Variants in PLBD1 observed in about 807,000 individuals in gnomAD.
PLBD1 encodes lysosomal leucine aminopeptidase.
PLBD1 carries 60 observed loss-of-function variants against 63.0 expected under a neutral mutation model. That is an observed-to-expected ratio of 0.95 (90% CI 0.77 to 1.18). PLBD1 has a LOEUF of 1.18. PLBD1 is among the 50% of genes most tolerant of loss of function. The probability of loss-of-function intolerance (pLI) is 0.00; values close to 1 mark genes in which losing one functional copy is unlikely to be tolerated. For synonymous variants in PLBD1, 262 were observed against 248.0 expected (o/e 1.06, Z -0.53); for missense variants, 598 against 677.9 (o/e 0.88, Z 1.31).
At chr12:14,540,146 C>G (rs1201308181) in intron 4 of PLBD1, among the ~76,000 whole-genome samples, 1 of 68,814 alleles carries the variant, frequency 1.5e-5, no homozygotes, top group Non-Finnish European at 2.9e-5. Context: ...GCAAAATAGA[C>G]AAAACATAAT....
At chr12:14,550,500 A>C (rs1945648117) in intron 2 of PLBD1, among the ~76,000 whole-genome samples, 1 of 152,254 alleles carries the variant, frequency 6.6e-6, no homozygotes, top group Non-Finnish European at 1.5e-5. Flanking sequence ...ACAAGAAAAC[A>C]GTTCCTGAAT....
intron 1 of PLBD1, 44 bp downstream of exon 1, chr12:14,567,538 G>A (rs1190855173): frequency 3.4e-6 from 5 of 1,457,824 alleles, no homozygotes; most frequent in Non-Finnish European, 4.5e-6. Context: ...CAGGCTCCTA[G>A]GAGCCTCCCC....
intron 1 of PLBD1, among the ~76,000 whole-genome samples, chr12:14,555,755 C>T (rs567049485): frequency 6.6e-6 from 1 of 152,278 alleles, no homozygotes; most frequent in African/African-American, 2.4e-5. Context: ...TCTGGTTAGC[C>T]ACCTAGCAAT....
At chr12:14,544,767 C>A (rs1435062601) in intron 2 of PLBD1, among the ~76,000 whole-genome samples, 1 of 151,956 alleles carries the variant, frequency 6.6e-6, no homozygotes, top group Non-Finnish European at 1.5e-5. Context: ...CTATAATTTT[C>A]TTTTATATTT....
intron 2 of PLBD1, among the ~76,000 whole-genome samples, chr12:14,543,192 G>A: frequency 6.6e-6 from 1 of 151,230 alleles, no homozygotes; most frequent in East Asian, 1.9e-4. Flanking sequence ...TAATACTTTT[G>A]TTATTTTCTT....
At position 14,533,480 on chromosome 12, in the gene PLBD1, C is replaced by T. The variant is rs138344901; in HGVS notation, c.844+2179G>A. Among the ~76,000 whole-genome samples the T allele has an allele frequency of 4.6e-5, 7 of 152,310 alleles. No individual in the cohort carries two copies. The East Asian group carries it at 1.3e-3, about 29-fold the overall frequency. ...ATATGCAAATGTTAACAGGATTATA[C>T]GTTTCATAAGAAAATCTTCCATGAC... On this transcript the variant is annotated intron_variant, in intron 6 of 10. Transcript: ENST00000240617.
At chr12:14,549,563 T>A (rs953749882) in intron 2 of PLBD1, among the ~76,000 whole-genome samples, 1 of 152,158 alleles carries the variant, frequency 6.6e-6, no homozygotes, top group Non-Finnish European at 1.5e-5. Flanking sequence ...AGAGAAGGAC[T>A]GTTGGGAGCA....
At chr12:14,514,897 T>C (rs937823406) in intron 6 of PLBD1, among the ~76,000 whole-genome samples, 1 of 152,168 alleles carries the variant, frequency 6.6e-6, no homozygotes, top group Non-Finnish European at 1.5e-5. Context: ...TGCTCTCATC[T>C]GTCATTAGCA....
At chr12:14,531,576 C>T (rs114755895) in intron 6 of PLBD1, among the ~76,000 whole-genome samples, 2 of 152,112 alleles carry the variant, frequency 1.3e-5, no homozygotes, top group East Asian at 3.8e-4. Context: ...AAACATAGAT[C>T]GACATGTTTT....
At chr12:14,563,948 G>C (rs955207657) in intron 1 of PLBD1, among the ~76,000 whole-genome samples, 1 of 152,206 alleles carries the variant, frequency 6.6e-6, no homozygotes, top group Non-Finnish European at 1.5e-5. Flanking sequence ...AAATAAGAAT[G>C]TCCTCAGAGA....
intron 1 of PLBD1, among the ~76,000 whole-genome samples, chr12:14,567,093 TCAA>T (rs1007830550): frequency 5.9e-5 from 9 of 151,590 alleles, no homozygotes; most frequent in Non-Finnish European, 1.3e-4. Flanking sequence ...CGACTCTGTC[TCAA>T]CAACAACAAC....
chr12:14,554,741 A>G (rs1945688165), intron 1 of PLBD1, among the ~76,000 whole-genome samples: 1 of 151,538 alleles, frequency 6.6e-6, no homozygotes. Context: ...AATGCATTGG[A>G]CTCATGACCA....
chr12:14,511,072 A>G (rs1945293756), intron 8 of PLBD1, among the ~76,000 whole-genome samples, 188 bp downstream of exon 8: 1 of 152,196 alleles, frequency 6.6e-6, no homozygotes, highest in Non-Finnish European at 1.5e-5. Flanking sequence ...ACATTGTCCT[A>G]TAAGAGTTTG....
chr12:14,528,232 CACTG>C (rs1485392943), intron 6 of PLBD1, among the ~76,000 whole-genome samples: 5 of 152,096 alleles, frequency 3.3e-5, no homozygotes, highest in Non-Finnish European at 5.9e-5. Context: ...AATTAACTTG[CACTG>C]ACTGACATTT....
chr12:14,540,793 T>C lies in PLBD1; in HGVS notation c.529A>G (p.Lys177Glu). 1 of 1,607,796 alleles carries C rather than the reference T, an allele frequency of 6.2e-7. No homozygotes were observed. Among genetic ancestry groups the C allele is most frequent in the Non-Finnish European group, 8.5e-7 (1 of 1,175,610 alleles). ...GTCCCTTCTAATATAGCCCTCTTCT[T>C]TGCTCCTACATAGAGGCCATCTATT... ...AQIDGLYVGA[K>E]KRAILEGTKP... The change falls in exon 4 of 11, where the codon AAG (lysine) becomes GAG (glutamate). Residue 177 changes from lysine (K) to glutamate (E), a missense_variant. Lys to Glu is a moderately conservative substitution (Grantham distance 56). Coordinates refer to ENST00000240617, the MANE Select transcript of PLBD1 (RefSeq NM_024829.6).
At chr12:14,546,296 C>T (rs1318000723) in intron 2 of PLBD1, among the ~76,000 whole-genome samples, 1 of 138,540 alleles carries the variant, frequency 7.2e-6, no homozygotes, top group Non-Finnish European at 1.5e-5. Flanking sequence ...CCAGCCTGAG[C>T]AACAGAGCAA....
At chr12:14,507,873 A>G (rs189070551) in intron 8 of PLBD1, among the ~76,000 whole-genome samples, 54 of 152,292 alleles carry the variant, frequency 3.5e-4, no homozygotes, top group Non-Finnish European at 1.6e-4. Context: ...TAAAAGCAGA[A>G]TTTCAGAAAC....
At chr12:14,508,974 G>C (rs1441351417) in intron 8 of PLBD1, among the ~76,000 whole-genome samples, 1 of 151,944 alleles carries the variant, frequency 6.6e-6, no homozygotes, top group Non-Finnish European at 1.5e-5. Context: ...GCTTAAATAC[G>C]TTAGGAGATG....
chr12:14,504,738 G>A (rs978250141), intron 10 of PLBD1, among the ~76,000 whole-genome samples: 12 of 152,204 alleles, frequency 7.9e-5, no homozygotes, highest in Admixed American at 2.0e-4. Context: ...ATTGAGGGCC[G>A]TGGTTCTCAA....
Sources: allele counts gnomAD v4.1 joint callset (sites outside exome capture counted in the v4.1 genomes callset), GRCh38; gene constraint gnomAD v4.1.1; transcripts MANE v1.5; gene names NCBI Gene and HGNC (gene_info 2026-07-23, HGNC 2026-07-21).